Variants in KCTD6 observed in about 807,000 individuals in gnomAD.
KCTD6 encodes the protein potassium channel tetramerization domain containing 6, also known as BTB/POZ domain-containing protein KCTD6.
Under a neutral mutation model 18.7 loss-of-function variants are expected in KCTD6, and 6 were observed. The observed-to-expected ratio is 0.32, with a 90% CI of 0.18 to 0.63. KCTD6 has a LOEUF of 0.63. Among genes scored for constraint, KCTD6 ranks in the 30% least tolerant of loss-of-function variants. The pLI is 0.79. For missense variants in KCTD6, 165 were observed against 300.2 expected (o/e 0.55, Z 3.33); for synonymous variants, 86 against 108.5 (o/e 0.79, Z 1.29).
Position 58,493,774 on chromosome 3 carries a change from C to T in KCTD6, c.-44+1605C>T, listed in dbSNP as rs1434126024. On this transcript the variant is annotated intron_variant, in intron 1 of 2. Coordinates refer to ENST00000404589, the MANE Select transcript of KCTD6 (RefSeq NM_001128214.2). The surrounding 1 kb of genome is among the most constrained non-coding windows in gnomAD (Gnocchi z 4.5). ...TTTATGCTGCTGCCACTAATGTTTT[C>T]ACATTTGTCTAATACTTGCTAGTTT... 1.3e-5 allele frequency: 2 copies of T among 152,186 alleles called. No homozygotes were observed. Among genetic ancestry groups the T allele is most frequent in the Admixed American group, 1.3e-4 (2 of 15,278 alleles). The allele number at this position is 152,186 out of a possible 1,614,324, so 9.4% of individuals were successfully genotyped here. A position where few individuals can be genotyped will look rare whatever the true frequency, so the allele number is the denominator to read the frequency against.
intron 2 of KCTD6, among the ~76,000 whole-genome samples, chr3:58,499,345 A>G (rs2063194277): frequency 6.6e-6 from 1 of 152,168 alleles, no homozygotes; most frequent in Admixed American, 6.5e-5. Flanking sequence ...TTCTTCATGA[A>G]TAGTGACTAC....
Position 58,501,009 on chromosome 3 carries a change from A to T in KCTD6, c.91A>T (p.Thr31Ser). ...HLYTTSLTTL[T>S]RYPDSMLGAM... ...GTATACAACGTCTCTCACCACATTGACGCGTTACCCGGATTCCATGCTTGG... is the reference window on the plus strand; with the variant it reads ...GTATACAACGTCTCTCACCACATTGTCGCGTTACCCGGATTCCATGCTTGG... Residue 31 changes from threonine (T) to serine (S), a missense_variant, in exon 3 of 3, where the codon ACG becomes TCG. Physicochemically the swap from Thr to Ser is moderately conservative, Grantham distance 58 (BLOSUM62 1). Transcript: ENST00000404589. This position sits in a 1 kb window ranked among gnomAD's most constrained non-coding sequence, Gnocchi z 9.7. 6.2e-7 allele frequency: 1 copy of T among 1,613,330 alleles called. No individual in the cohort carries two copies. Among genetic ancestry groups the T allele is most frequent in the Middle Eastern group, 1.7e-4 (1 of 6,052 alleles).
chr3:58,492,632 G>T lies in KCTD6; in HGVS notation c.-44+463G>T, dbSNP rs1282501624. On this transcript the variant is annotated intron_variant, in intron 1 of 2. Coordinates refer to ENST00000404589, the MANE Select transcript of KCTD6 (RefSeq NM_001128214.2). The surrounding 1 kb of genome is among the most constrained non-coding windows in gnomAD (Gnocchi z 6.1). ...CAATTGCCCTAGTTTAAAGCTTGAG[G>T]CAGGACTCAAAACCCTGCCTTTGGG... Among the ~76,000 whole-genome samples, 1 of 152,206 alleles carries T rather than the reference G, an allele frequency of 6.6e-6. No homozygotes were observed. Among genetic ancestry groups the T allele is most frequent in the Non-Finnish European group, 1.5e-5 (1 of 68,024 alleles).
intron 1 of KCTD6, among the ~76,000 whole-genome samples, chr3:58,495,903 CAAG>C (rs2063173288): frequency 6.9e-6 from 1 of 145,654 alleles, no homozygotes; most frequent in South Asian, 2.2e-4. Context: ...GATAACTGCT[CAAG>C]AAGTTACCTT....
In KCTD6 at chr3:58,498,980, A is replaced by AT. The variant is rs1487687494; in HGVS notation, c.27+206dup. Among the ~76,000 whole-genome samples, 2 of 151,670 alleles carry AT rather than the reference A, an allele frequency of 1.3e-5. No homozygotes were observed. Among genetic ancestry groups the AT allele is most frequent in the African/African-American group, 4.8e-5 (2 of 41,266 alleles). Reference sequence around the variant, plus strand: ...GTGGTGTTTTTTAAATTTTTATTTAATTTTTTTTATGTGGAGTCTCGCCTT... The same window carrying AT: ...GTGGTGTTTTTTAAATTTTTATTTAATTTTTTTTTATGTGGAGTCTCGCCTT... On this transcript the variant is annotated intron_variant, in intron 2 of 2. Transcript: ENST00000404589. This position sits in a 1 kb window ranked among gnomAD's most constrained non-coding sequence, Gnocchi z 4.6.
chr3:58,499,207 C>T (rs907518922), intron 2 of KCTD6, among the ~76,000 whole-genome samples: 5 of 152,110 alleles, frequency 3.3e-5, no homozygotes, highest in East Asian at 3.9e-4. Flanking sequence ...TGACCTCAAA[C>T]GATCCTCTGC....
rs2063161598 is a variant in KCTD6 at position 58,493,030 on chromosome 3, C to T, written c.-44+861C>T. On this transcript the variant is annotated intron_variant, in intron 1 of 2. Transcript: ENST00000404589. This position sits in a 1 kb window ranked among gnomAD's most constrained non-coding sequence, Gnocchi z 4.5. Reference sequence around the variant, plus strand: ...ATTTGGGGTAGCCTAAGTATCTCTTCTATATCCCCCTGGCATGTTCTTTTT... The same window carrying T: ...ATTTGGGGTAGCCTAAGTATCTCTTTTATATCCCCCTGGCATGTTCTTTTT... 6.6e-6 allele frequency among the ~76,000 whole-genome samples: 1 copy of T among 152,190 alleles called. No individual in the cohort carries two copies. Among genetic ancestry groups the T allele is most frequent in the Non-Finnish European group, 1.5e-5 (1 of 68,034 alleles).
At position 58,497,354 on chromosome 3, in the gene KCTD6, T is replaced by C. The variant is rs2063179276; in HGVS notation, c.-43-1359T>C. On this transcript the variant is annotated intron_variant, in intron 1 of 2. Transcript: ENST00000404589. The surrounding 1 kb of genome is among the most constrained non-coding windows in gnomAD (Gnocchi z 4.2). ...CTGTAGCTAGGGCTTGTTCTGGGAA[T>C]TCTGTGCCAGATTCCTCTAAAAGTG... Among the ~76,000 whole-genome samples, 1 of 152,248 alleles carries C rather than the reference T, an allele frequency of 6.6e-6. No individual in the cohort carries two copies. Among genetic ancestry groups the C allele is most frequent in the East Asian group, 1.9e-4 (1 of 5,202 alleles).
Position 58,501,545 on chromosome 3 carries a change from G to A in KCTD6, c.627G>A (p.Arg209=). Residue 209 remains arginine, a synonymous_variant, in exon 3 of 3, where the codon CGG becomes CGA. Coordinates refer to ENST00000404589, the MANE Select transcript of KCTD6 (RefSeq NM_001128214.2). This position sits in a 1 kb window ranked among gnomAD's most constrained non-coding sequence, Gnocchi z 9.7. ...TKQGFTIRNT[R]VHHMSERANE... The stretch of plus-strand genomic sequence containing the variant: ...AAGGTTTCACGATCCGCAACACCCG[G>A]GTGCATCACATGAGTGAGCGGGCCA... 1 of 1,484,704 alleles carries A rather than the reference G, an allele frequency of 6.7e-7. No homozygotes were observed. The highest frequency in any genetic ancestry group is 8.9e-7 in the Non-Finnish European group (1 of 1,119,610). The allele number at this position is 1,484,704 out of a possible 1,614,324, so 92.0% of individuals were successfully genotyped here.
In KCTD6 at chr3:58,493,639, G is replaced by A. The variant is rs1313568996; in HGVS notation, c.-44+1470G>A. ...CTCTGGGAAAAGGAGGACCTGGGGA[G>A]ATTTGAAGCAAATTAAGAGGCTGCC... On this transcript the variant is annotated intron_variant, in intron 1 of 2. Coordinates refer to ENST00000404589, the MANE Select transcript of KCTD6 (RefSeq NM_001128214.2). The surrounding 1 kb of genome is among the most constrained non-coding windows in gnomAD (Gnocchi z 4.5). Among the ~76,000 whole-genome samples the A allele has an allele frequency of 6.6e-6, 1 of 152,202 alleles. No individual in the cohort carries two copies. Among genetic ancestry groups the A allele is most frequent in the Non-Finnish European group, 1.5e-5 (1 of 68,032 alleles).
intron 2 of KCTD6, chr3:58,500,289 T>A (rs1185816998): frequency 6.6e-6 from 1 of 150,530 alleles, no homozygotes; most frequent in African/African-American, 2.4e-5. Flanking sequence ...TTTTTTTTTT[T>A]TTTTTTTTGT....
intron 2 of KCTD6, chr3:58,500,465 TTTTG>T (rs1370571602): frequency 6.6e-6 from 1 of 152,134 alleles, no homozygotes; most frequent in African/African-American, 2.4e-5. Context: ...AGTTTGTTCC[TTTTG>T]TTTGAGGGGG....
intron 2 of KCTD6, among the ~76,000 whole-genome samples, chr3:58,499,511 C>G (rs1321896757): frequency 6.7e-6 from 1 of 148,700 alleles, no homozygotes; most frequent in African/African-American, 2.5e-5. Context: ...TTGCCTATAC[C>G]TGAAGTCTCT....
chr3:58,494,160 G>A (rs2063166073), intron 1 of KCTD6: 2 of 152,124 alleles, frequency 1.3e-5, no homozygotes, highest in Non-Finnish European at 2.9e-5. Flanking sequence ...TAGACCACAT[G>A]GTTGAGAAAG....
intron 2 of KCTD6, among the ~76,000 whole-genome samples, chr3:58,500,573 T>C (rs2063200598): frequency 6.6e-6 from 1 of 151,396 alleles, no homozygotes; most frequent in Non-Finnish European, 1.5e-5. Flanking sequence ...ATGCAAGCCT[T>C]AAAAAAAAAT....
At position 58,501,667 on chromosome 3, in the gene KCTD6, T is replaced by G; in HGVS notation, c.*35T>G. ...CTGCCACAGGTTCCTGGAAAGACTC[T>G]CCAGGAAATGGAAGATACTGATTTT... On this transcript the variant is annotated 3_prime_UTR_variant, in exon 3 of 3. Coordinates refer to ENST00000404589, the MANE Select transcript of KCTD6 (RefSeq NM_001128214.2). This position sits in a 1 kb window ranked among gnomAD's most constrained non-coding sequence, Gnocchi z 9.7. The G allele has an allele frequency of 1.7e-5, 22 of 1,265,404 alleles. No homozygotes were observed. The highest frequency in any genetic ancestry group is 3.4e-5 in the South Asian group (1 of 29,844). The allele number at this position is 1,265,404 out of a possible 1,614,324, so 78.4% of individuals were successfully genotyped here. A position where few individuals can be genotyped will look rare whatever the true frequency, so the allele number is the denominator to read the frequency against.
intron 1 of KCTD6, chr3:58,494,524 G>GT (rs1224506177): frequency 6.6e-6 from 1 of 152,154 alleles, no homozygotes; most frequent in Non-Finnish European, 1.5e-5. Context: ...AGTAGTTGGA[G>GT]TTTTTTATTA....
intron 2 of KCTD6, among the ~76,000 whole-genome samples, chr3:58,500,155 G>A (rs890334917): frequency 2.0e-5 from 3 of 150,142 alleles, no homozygotes; most frequent in Non-Finnish European, 4.4e-5. Context: ...TCTCTGTGTC[G>A]CCCAGGCTGA....
At chr3:58,499,540 T>C (rs1225234766) in intron 2 of KCTD6, among the ~76,000 whole-genome samples, 1 of 145,926 alleles carries the variant, frequency 6.9e-6, no homozygotes, top group Non-Finnish European at 1.5e-5. Flanking sequence ...TTCTTTTTTC[T>C]TTCTTCCTTT....
Sources: allele counts gnomAD v4.1 joint callset (sites outside exome capture counted in the v4.1 genomes callset), GRCh38; gene constraint gnomAD v4.1.1; non-coding constraint Gnocchi (gnomAD v3.1); transcripts MANE v1.5; gene names NCBI Gene and HGNC (gene_info 2026-07-23, HGNC 2026-07-21).